The following FIGN variants were observed in gnomAD, a reference collection of about 807,000 sequenced individuals.
The protein encoded by FIGN is fidgetin.
FIGN carries 11 observed loss-of-function variants against 51.3 expected under a neutral mutation model. The observed-to-expected ratio is 0.21, with a 90% CI of 0.13 to 0.35. The LOEUF is 0.35. Ranked by LOEUF, FIGN falls within the 10% of genes least tolerant of loss-of-function variation. The pLI, the probability that FIGN is intolerant of heterozygous loss-of-function variation, is 1.00. For synonymous variants in FIGN, 407 were observed against 363.2 expected (o/e 1.12, Z -1.37); for missense variants, 857 against 943.6 (o/e 0.91, Z 1.20).
rs201811743 is a variant in FIGN at position 163,610,491 on chromosome 2, G to A, written c.1341C>T (p.Leu447=). 2 of 1,614,136 alleles carry A rather than the reference G, an allele frequency of 1.2e-6. No individual in the cohort carries two copies. Among genetic ancestry groups the A allele is most frequent in the East Asian group, 4.5e-5 (2 of 44,870 alleles). ...LLSHPMQGPG[L]RAATSSNHSV... ...AGTGGTTGGATGAGGTAGCTGCACG[G>A]AGTCCAGGGCCTTGCATTGGGTGAG... Residue 447 remains leucine, a synonymous_variant, in exon 3 of 3, where the codon CTC becomes CTT. Coordinates refer to ENST00000333129, the MANE Select transcript of FIGN (RefSeq NM_018086.4).
intron 2 of FIGN, among the ~76,000 whole-genome samples, chr2:163,633,803 C>A (rs553637835): frequency 6.6e-6 from 1 of 152,164 alleles, no homozygotes; most frequent in African/African-American, 2.4e-5. Context: ...CTCTAGAGCT[C>A]CAGAACCTAT....
rs116488692 is a variant in FIGN at position 163,659,504 on chromosome 2, G to A, written c.26-47698C>T. On this transcript the variant is annotated intron_variant, in intron 2 of 2. Coordinates refer to ENST00000333129, the MANE Select transcript of FIGN (RefSeq NM_018086.4). ...CATGGGCAGATAGAGCCCTCGAAGGGCTTGGAAATGTATCCAGATTATCCC... is the reference window on the plus strand; with the variant it reads ...CATGGGCAGATAGAGCCCTCGAAGGACTTGGAAATGTATCCAGATTATCCC... Among the ~76,000 whole-genome samples the A allele has an allele frequency of 2.0e-5, 3 of 152,244 alleles. No homozygotes were observed. The East Asian group carries it at 5.8e-4, about 29-fold the overall frequency.
chr2:163,660,423 A>C (rs973542350), intron 2 of FIGN, among the ~76,000 whole-genome samples: 3 of 152,060 alleles, frequency 2.0e-5, no homozygotes, highest in African/African-American at 7.2e-5. Context: ...GTGAGGAAAA[A>C]AATCACTACA....
At chr2:163,663,791 A>C (rs1573935659) in intron 2 of FIGN, among the ~76,000 whole-genome samples, 1 of 151,818 alleles carries the variant, frequency 6.6e-6, no homozygotes, top group Non-Finnish European at 1.5e-5. Context: ...CTGAGGCAGG[A>C]GAATTGCTTG....
At chr2:163,730,365 G>A (rs1684906802) in intron 2 of FIGN, among the ~76,000 whole-genome samples, 1 of 151,914 alleles carries the variant, frequency 6.6e-6, no homozygotes, top group Non-Finnish European at 1.5e-5. Context: ...TTCAAGTTTA[G>A]GAAAAAAAGA....
chr2:163,730,616 A>T (rs1301871767), intron 2 of FIGN, among the ~76,000 whole-genome samples: 1 of 152,120 alleles, frequency 6.6e-6, no homozygotes, highest in African/African-American at 2.4e-5. Context: ...GTTGATTTCA[A>T]TAAAACACTA....
At position 163,670,406 on chromosome 2, in the gene FIGN, A is replaced by G. The variant is rs539523475; in HGVS notation, c.26-58600T>C. Among the ~76,000 whole-genome samples the G allele has an allele frequency of 4.6e-5, 7 of 152,338 alleles. No homozygotes were observed. The South Asian group carries it at 1.4e-3, about 32-fold the overall frequency. ...ACCCACTGGAGTTAGTGGTAAGTAT[A>G]TAGTGCAATGAAGTCATCAACTAAA... On this transcript the variant is annotated intron_variant, in intron 2 of 2. Coordinates refer to ENST00000333129, the MANE Select transcript of FIGN (RefSeq NM_018086.4).
At position 163,609,439 on chromosome 2, in the gene FIGN, C is replaced by T. The variant is rs1691180473; in HGVS notation, c.*113G>A. 1.1e-6 allele frequency: 1 copy of T among 885,612 alleles called. No individual in the cohort carries two copies. Among genetic ancestry groups the T allele is most frequent in the African/African-American group, 1.7e-5 (1 of 59,508 alleles). 54.9% of individuals were successfully genotyped at this position (885,612 alleles called of 1,614,324 possible). On this transcript the variant is annotated 3_prime_UTR_variant, in exon 3 of 3. Transcript: ENST00000333129. Reference sequence around the variant, plus strand: ...AAAGATGCAACTTAATCGTCATCTTCCCCAGTACCCTTTGCAATTTAAACT... The same window carrying T: ...AAAGATGCAACTTAATCGTCATCTTTCCCAGTACCCTTTGCAATTTAAACT...
At position 163,610,099 on chromosome 2, in the gene FIGN, T is replaced by C; in HGVS notation, c.1733A>G (p.Gln578Arg). 6.2e-7 allele frequency: 1 copy of C among 1,613,894 alleles called. No individual in the cohort carries two copies. Among genetic ancestry groups the C allele is most frequent in the Non-Finnish European group, 8.5e-7 (1 of 1,179,816 alleles). ...GTCACTAACAAAAATCACCGAGGGC[T>C]GGCGACACCTGGCCACAAGAAAAGA... ...HASFLVARCR[Q>R]PSVIFVSDID... The change falls in exon 3 of 3, where the codon CAG becomes CGG. Residue 578 changes from glutamine (Q) to arginine (R), a missense_variant. By Grantham distance (43) the Gln-to-Arg change is conservative. Transcript: ENST00000333129.
chr2:163,613,039 A>G (rs1682792764), intron 2 of FIGN, among the ~76,000 whole-genome samples: 1 of 152,136 alleles, frequency 6.6e-6, no homozygotes, highest in Admixed American at 6.5e-5. Flanking sequence ...CAGTCAGAAT[A>G]ATTTGAATTT....
intron 2 of FIGN, among the ~76,000 whole-genome samples, chr2:163,668,020 C>CCCG (rs952587694): frequency 2.0e-5 from 3 of 149,316 alleles, no homozygotes; most frequent in African/African-American, 5.0e-5. Context: ...TCCAACCCCC[C>CCCG]CCCCCAAAAA....
Position 163,730,504 on chromosome 2 carries a change from TTGTG to T in FIGN, c.25+4395_25+4398del, listed in dbSNP as rs59444555. On this transcript the variant is annotated intron_variant, in intron 2 of 2. Coordinates refer to ENST00000333129, the MANE Select transcript of FIGN (RefSeq NM_018086.4). ...ACAATCTCTCTCTCTTGCTCCGTGT[TTGTG>T]TGTGTGTGTGTGTGTGTGTGTGTGT... Among the ~76,000 whole-genome samples the T allele has an allele frequency of 9.0e-3, 1,346 of 149,014 alleles. 19 individuals are homozygous for T. Among genetic ancestry groups the T allele is most frequent in the African/African-American group, 0.031 (1,256 of 40,350 alleles).
intron 2 of FIGN, among the ~76,000 whole-genome samples, chr2:163,661,279 A>G (rs1262269662): frequency 1.3e-5 from 2 of 151,440 alleles, no homozygotes; most frequent in Non-Finnish European, 2.9e-5. Flanking sequence ...TCACTCTGTC[A>G]CTCAGGATGG....
chr2:163,683,638 T>C (rs1684099879), intron 2 of FIGN, among the ~76,000 whole-genome samples: 1 of 152,150 alleles, frequency 6.6e-6, no homozygotes, highest in African/African-American at 2.4e-5. Flanking sequence ...TAGGTGCACA[T>C]TGGAATTGCC....
At chr2:163,682,040 G>T (rs1167832232) in intron 2 of FIGN, among the ~76,000 whole-genome samples, 2 of 152,154 alleles carry the variant, frequency 1.3e-5, no homozygotes, top group African/African-American at 4.8e-5. Context: ...TGTGCTAAGA[G>T]ACCAAGACTG....
rs183137241 is a variant in FIGN, at chr2:163,690,830, C to A, written c.25+44073G>T. Among the ~76,000 whole-genome samples the A allele has an allele frequency of 6.6e-4, 100 of 151,942 alleles. 2 individuals are homozygous for A. The highest frequency in any genetic ancestry group is 2.3e-3 in the African/African-American group (96 of 41,442). On this transcript the variant is annotated intron_variant, in intron 2 of 2. Transcript: ENST00000333129. ...AAATGTAATTTTGTAATTTTAAAGT[C>A]ATTGGAATTTGTGTGTGTGTGTTGG...
At chr2:163,728,894 C>T (rs886072385) in intron 2 of FIGN, among the ~76,000 whole-genome samples, 6 of 152,142 alleles carry the variant, frequency 3.9e-5, no homozygotes, top group Admixed American at 3.3e-4. Flanking sequence ...AATTATGTAG[C>T]TGGTCCTAGG....
At chr2:163,622,730 T>C (rs1682994669) in intron 2 of FIGN, among the ~76,000 whole-genome samples, 1 of 151,832 alleles carries the variant, frequency 6.6e-6, no homozygotes, top group Non-Finnish European at 1.5e-5. Flanking sequence ...CCCAGCTAAT[T>C]ATTGTGTATT....
intron 2 of FIGN, among the ~76,000 whole-genome samples, chr2:163,733,293 C>T (rs1037729883): frequency 5.1e-4 from 78 of 152,108 alleles, no homozygotes; most frequent in African/African-American, 1.8e-3. Context: ...ATATAATTGC[C>T]TATGCCAGTA....
Sources: gnomAD v4.1 joint callset for allele counts (sites outside exome capture counted in the v4.1 genomes callset) on GRCh38, gnomAD v4.1.1 for gene constraint, MANE v1.5 for transcripts, NCBI Gene and HGNC (gene_info 2026-07-23, HGNC 2026-07-21) for gene names.